The following CD5L variants were observed in gnomAD, a reference collection of about 807,000 sequenced individuals.
The protein encoded by CD5L is CD5 antigen-like.
A neutral mutation model predicts 40.8 loss-of-function variants in CD5L; 39 were observed. The ratio of observed to expected loss-of-function variants is 0.96; its 90% confidence interval spans 0.74 to 1.25. CD5L has a LOEUF of 1.25. CD5L is among the 50% of genes most tolerant of loss of function. The probability of loss-of-function intolerance (pLI) is 0.00; values close to 1 mark genes in which losing one functional copy is unlikely to be tolerated. For missense variants in CD5L, 433 were observed against 435.9 expected (o/e 0.99, Z 0.06); for synonymous variants, 192 against 169.6 (o/e 1.13, Z -1.03).
At position 157,831,211 on chromosome 1, in the gene CD5L, T is replaced by C; in HGVS notation, c.*753A>G. On this transcript the variant is annotated 3_prime_UTR_variant, in exon 6 of 6. Transcript: ENST00000368174. ...ATATTTTTCTTTGAATAAAGTAAAA[T>C]GTATTTTTGACATTCCTCTCATTAA... The C allele has an allele frequency of 1.0e-6, 1 of 985,330 alleles. No homozygotes were observed. Among genetic ancestry groups the C allele is most frequent in the South Asian group, 4.7e-5 (1 of 21,286 alleles). The allele number at this position is 985,330 out of a possible 1,614,324, so 61.0% of individuals were successfully genotyped here. A position where few individuals can be genotyped will look rare whatever the true frequency, so the allele number is the denominator to read the frequency against.
chr1:157,833,602 G>C (rs1656110274), intron 4 of CD5L, 90 bp from the exon 5 acceptor site: 1 of 1,039,202 alleles, frequency 9.6e-7, no homozygotes, highest in Non-Finnish European at 1.4e-6. Flanking sequence ...TTTTCATTTT[G>C]TATTTTTTGT....
In CD5L at chr1:157,834,642, G is replaced by A. The variant is rs759593497; in HGVS notation, c.483C>T (p.Thr161=). 8 of 1,614,168 alleles carry A rather than the reference G, an allele frequency of 5.0e-6. No homozygotes were observed. Among genetic ancestry groups the A allele is most frequent in the Non-Finnish European group, 5.1e-6 (6 of 1,180,030 alleles). ...GGAGGCTCCAGCCTGTCTGGCACAC[G>A]GTATACCACTGGTTCTGGTGCTTCA... ...VEVKHQNQWY[T]VCQTGWSLRA... The change falls in exon 4 of 6, where the codon ACC becomes ACT. Residue 161 remains threonine, a synonymous_variant. Coordinates refer to ENST00000368174, the MANE Select transcript of CD5L (RefSeq NM_005894.3).
At chr1:157,828,487 C>G (rs1338514419), downstream of CD5L, among the ~76,000 whole-genome samples, 1 of 152,166 alleles carries the variant, frequency 6.6e-6, no homozygotes. Context: ...AGCCCATACA[C>G]AAGGTTTAAC....
intron 2 of CD5L, among the ~76,000 whole-genome samples, chr1:157,837,384 AGTG>A (rs1656247380): frequency 2.6e-5 from 4 of 151,832 alleles, no homozygotes; most frequent in Admixed American, 2.6e-4. Context: ...TTTGTTAGTT[AGTG>A]AACTCAGAGA....
chr1:157,833,652 C>T, intron 4 of CD5L, 140 bp from the exon 5 acceptor site: 1 of 706,008 alleles, frequency 1.4e-6, no homozygotes, highest in East Asian at 2.8e-5. Context: ...GTTGCCCAGG[C>T]TGGAGTGTAG....
At chr1:157,834,859 C>T (rs930108458) in intron 3 of CD5L, 111 bp from the exon 4 acceptor site, 1 of 724,304 alleles carries the variant, frequency 1.4e-6, no homozygotes, top group Non-Finnish European at 2.3e-6. Flanking sequence ...ACAAGGCATG[C>T]TAAAGTGCTT....
intron 1 of CD5L, among the ~76,000 whole-genome samples, chr1:157,840,800 C>G (rs968254265): frequency 6.6e-6 from 1 of 152,120 alleles, no homozygotes; most frequent in Non-Finnish European, 1.5e-5. Flanking sequence ...GCACATGAGC[C>G]TGGAAGACCC....
rs757881523 is a variant in CD5L, at chr1:157,831,044, G to T, written c.*920C>A. 103 of 985,116 alleles carry T rather than the reference G, an allele frequency of 1.0e-4. No individual in the cohort carries two copies. Among genetic ancestry groups the T allele is most frequent in the Non-Finnish European group, 1.2e-4 (100 of 829,834 alleles). 61.0% of individuals were successfully genotyped at this position (985,116 alleles called of 1,614,324 possible). ...ATCAAGTCTTGATTCTCTTATTTCT[G>T]TCTTGCCTCAAGCTTACAGGCCCCA... is the stretch of plus-strand genomic sequence containing the variant. On this transcript the variant is annotated 3_prime_UTR_variant, in exon 6 of 6. Transcript: ENST00000368174.
chr1:157,835,544 T>G (rs1166505901), intron 3 of CD5L, among the ~76,000 whole-genome samples: 1 of 152,226 alleles, frequency 6.6e-6, no homozygotes, highest in Non-Finnish European at 1.5e-5. Flanking sequence ...GTATACTCTA[T>G]TCAACAAATG....
At chr1:157,832,044 G>C in intron 5 of CD5L, 76 bp from the exon 6 acceptor site, 1 of 1,165,018 alleles carries the variant, frequency 8.6e-7, no homozygotes, top group South Asian at 1.6e-5. Context: ...ACTCACATTA[G>C]CTAAGGGAGA....
At chr1:157,838,822 T>A (rs941770657) in intron 2 of CD5L, among the ~76,000 whole-genome samples, 1 of 152,088 alleles carries the variant, frequency 6.6e-6, no homozygotes, top group Non-Finnish European at 1.5e-5. Flanking sequence ...TACAAGAAAC[T>A]GATAATCCAC....
At chr1:157,832,532 T>G (rs866879117) in intron 5 of CD5L, among the ~76,000 whole-genome samples, 26 of 152,200 alleles carry the variant, frequency 1.7e-4, no homozygotes, top group Non-Finnish European at 1.5e-4. Flanking sequence ...ACTTGCATTT[T>G]CTAACCCAAA....
rs746560254 is a variant in CD5L, at chr1:157,836,013, G to A, written c.198C>T (p.Gly66=). The A allele has an allele frequency of 5.6e-6, 9 of 1,614,090 alleles. No homozygotes were observed. In the Admixed American group the frequency reaches 1.2e-4, roughly 21 times the overall value. Residue 66 remains glycine (G), a synonymous_variant, in exon 3 of 6, where the codon GGC becomes GGT. Coordinates refer to ENST00000368174, the MANE Select transcript of CD5L (RefSeq NM_005894.3). ...KDVAVLCREL[G]CGAASGTPSG... is the part of the protein sequence containing the mutation. ...TAGGGGTTCCGCTGGCAGCTCCACA[G>A]CCCAGCTCCCGGCACAACACAGCCA... is the stretch of plus-strand genomic sequence containing the variant.
chr1:157,840,815 G>A (rs1656351626), intron 1 of CD5L, among the ~76,000 whole-genome samples: 1 of 152,188 alleles, frequency 6.6e-6, no homozygotes, highest in Non-Finnish European at 1.5e-5. Context: ...AGACCCAGTA[G>A]TATATCCATG....
intron 1 of CD5L, 134 bp from the exon 2 acceptor site, chr1:157,839,544 G>A: frequency 1.2e-6 from 1 of 852,516 alleles, no homozygotes; most frequent in South Asian, 1.8e-5. Flanking sequence ...AGTCCTGTTG[G>A]GACCTTCTTC....
In CD5L at chr1:157,841,793, G is replaced by C. The variant is rs147298497; in HGVS notation, c.-92C>G. 33 of 1,094,550 alleles carry C rather than the reference G, an allele frequency of 3.0e-5. No individual in the cohort carries two copies. The highest frequency in any genetic ancestry group is 4.4e-5 in the Non-Finnish European group (32 of 724,748). 67.8% of individuals were successfully genotyped at this position (1,094,550 alleles called of 1,614,324 possible). On this transcript the variant is annotated 5_prime_UTR_variant, in exon 1 of 6. Coordinates refer to ENST00000368174, the MANE Select transcript of CD5L (RefSeq NM_005894.3). ...TTAGTTTTAGCTGCAAGTATGTTAA[G>C]AGGAGGGACAAAGACAGGTCCTGAG...
Position 157,831,843 on chromosome 1 carries a change from G to A in CD5L, c.*121C>T, listed in dbSNP as rs1656057702. The A allele has an allele frequency of 1.4e-6, 2 of 1,450,620 alleles. No homozygotes were observed. Among genetic ancestry groups the A allele is most frequent in the African/African-American group, 2.9e-5 (2 of 69,622 alleles). The allele number at this position is 1,450,620 out of a possible 1,614,324, so 89.9% of individuals were successfully genotyped here. On this transcript the variant is annotated 3_prime_UTR_variant, in exon 6 of 6. Transcript: ENST00000368174. ...TAAGCCCAGTGTTCAGACTCCTGAG[G>A]GGATGAGGGAGTAGTGGCTCAAGCC...
chr1:157,834,456 C>A lies in CD5L; in HGVS notation c.669G>T (p.Trp223Cys). The change falls in exon 4 of 6, where the codon TGG becomes TGT. Residue 223 changes from tryptophan to cysteine, a missense_variant. Physicochemically the swap from Trp to Cys is radical, Grantham distance 215. Transcript: ENST00000368174. ...CATCATGGTTGCAGGTGTTCTTCCC[C>A]CAAGGCCCAGAAGGGCAATCCTGAA... ...ATLQDCPSGPWGKNTCNHDED... is the reference protein window; with the variant it reads ...ATLQDCPSGPCGKNTCNHDED... 2 of 1,614,188 alleles carry A rather than the reference C, an allele frequency of 1.2e-6. No homozygotes were observed. The highest frequency in any genetic ancestry group is 1.1e-5 in the South Asian group (1 of 91,078).
At chr1:157,837,932 C>T (rs1048588577) in intron 2 of CD5L, among the ~76,000 whole-genome samples, 1 of 152,002 alleles carries the variant, frequency 6.6e-6, no homozygotes, top group African/African-American at 2.4e-5. Context: ...CCAGCCACCA[C>T]ACCTGGCTAA....
Sources: gnomAD v4.1 joint callset for allele counts (sites outside exome capture counted in the v4.1 genomes callset) on GRCh38, gnomAD v4.1.1 for gene constraint, MANE v1.5 for transcripts, NCBI Gene and HGNC (gene_info 2026-07-23, HGNC 2026-07-21) for gene names.